Variants in IQCF1 observed in about 807,000 individuals in gnomAD.
The protein encoded by IQCF1 is IQ motif containing F1, also known as IQ domain-containing protein F1.
IQCF1 carries 9 observed loss-of-function variants against 12.5 expected under a neutral mutation model. The observed-to-expected ratio is 0.72, with a 90% CI of 0.43 to 1.26. The LOEUF (loss-of-function observed/expected upper bound fraction) is 1.26, where lower values mean the gene tolerates loss of function less well. Among genes scored for constraint, IQCF1 ranks in the 50% most tolerant of loss-of-function variants. IQCF1 has a pLI of 0.00. For missense variants in IQCF1, 252 were observed against 257.4 expected, an observed-to-expected ratio of 0.98 and a Z score of 0.14; for synonymous variants, 67 against 96.2, an observed-to-expected ratio of 0.70 and a Z score of 1.78.
intron 2 of IQCF1, among the ~76,000 whole-genome samples, chr3:51,898,831 G>A (rs373915430): frequency 6.6e-6 from 1 of 152,338 alleles, no homozygotes; most frequent in East Asian, 1.9e-4. Flanking sequence ...CCTCCCGGGT[G>A]ATTGAGGGAA....
rs189660219 is a variant in IQCF1 at position 51,903,108 on chromosome 3, G to A, written c.4-19C>T. On this transcript the variant is annotated intron_variant, in intron 1 of 3. Transcript: ENST00000310914. ...TCTCCTCCTGCAATCAGCATTAGGG[G>A]AAAGGCAAGAGTGAGGCTGCGGTCC... 1.1e-4 allele frequency: 175 copies of A among 1,612,298 alleles called. 1 individual carries two copies. The Middle Eastern group carries it at 2.0e-3, about 18-fold the overall frequency.
intron 2 of IQCF1, among the ~76,000 whole-genome samples, chr3:51,899,704 C>T (rs1246256264): frequency 6.6e-6 from 1 of 152,156 alleles, no homozygotes; most frequent in African/African-American, 2.4e-5. Flanking sequence ...CATTAACCTG[C>T]TCTTTAACAA....
Position 51,895,394 on chromosome 3 carries a change from G to C in IQCF1, c.172-58C>G. 6.8e-7 allele frequency: 1 copy of C among 1,471,042 alleles called. No individual in the cohort carries two copies. The highest frequency in any genetic ancestry group is 1.3e-5 in the South Asian group (1 of 76,064). 91.1% of individuals were successfully genotyped at this position (1,471,042 alleles called of 1,614,324 possible). On this transcript the variant is annotated intron_variant, in intron 3 of 3. Coordinates refer to ENST00000310914, the MANE Select transcript of IQCF1 (RefSeq NM_152397.3). This position sits in a 1 kb window ranked among gnomAD's most constrained non-coding sequence, Gnocchi z 4.8. ...TGCTCCCCACTGGCTTCAGCTCTGGGGTGTGCCAGGAAAGGCCCTGATTCC... is the reference window on the plus strand; with the variant it reads ...TGCTCCCCACTGGCTTCAGCTCTGGCGTGTGCCAGGAAAGGCCCTGATTCC...
At chr3:51,896,170 C>T (rs373699339) in intron 3 of IQCF1, among the ~76,000 whole-genome samples, 2 of 152,156 alleles carry the variant, frequency 1.3e-5, no homozygotes, top group East Asian at 3.9e-4. Flanking sequence ...GGAGACACTA[C>T]AAGACTTCAA....
intron 2 of IQCF1, among the ~76,000 whole-genome samples, chr3:51,897,899 G>C (rs1699029710): frequency 6.6e-6 from 1 of 152,176 alleles, no homozygotes; most frequent in Non-Finnish European, 1.5e-5. Flanking sequence ...CCAACACTAA[G>C]GCAAGACACC....
rs11927897 is a variant in IQCF1, at chr3:51,895,167, C to T, written c.341G>A (p.Arg114Gln). The T allele has an allele frequency of 0.04, 64,328 of 1,614,218 alleles. 1,482 individuals carry two copies. Among genetic ancestry groups the T allele is most frequent in the Middle Eastern group, 0.079 (479 of 6,062 alleles). ...LILSKILKKR[R>Q]QAALEAFSRK... ...GGAGAAGGCCTCTAGCGCTGCCTGC[C>T]GCCTCTTCTTCAGAATCTTGGACAG... The change falls in exon 4 of 4, where the codon CGG becomes CAG. Residue 114 changes from arginine (R) to glutamine (Q), a missense_variant. Arg to Gln is a conservative substitution (Grantham distance 43, BLOSUM62 1). Transcript: ENST00000310914. This position sits in a 1 kb window ranked among gnomAD's most constrained non-coding sequence, Gnocchi z 4.8.
intron 2 of IQCF1, among the ~76,000 whole-genome samples, chr3:51,898,143 G>A (rs759149805): frequency 3.9e-5 from 6 of 152,112 alleles, no homozygotes; most frequent in African/African-American, 1.4e-4. Context: ...TAGTATAAGC[G>A]GCTGGCAGAG....
chr3:51,903,029 CCTT>C lies in IQCF1; in HGVS notation c.61_63del (p.Lys21del), dbSNP rs1699098324. On this transcript the variant is annotated inframe_deletion, in exon 2 of 4. Transcript: ENST00000310914. Reference sequence around the variant, plus strand: ...CCTAAGGACAAATGGGTTGGCATCTCCTTCTGCTGAGGCTCATCTTCTTTTGAG... The same window carrying C: ...CCTAAGGACAAATGGGTTGGCATCTCCTGCTGAGGCTCATCTTCTTTTGAG... 2.5e-6 allele frequency: 4 copies of C among 1,614,186 alleles called. No individual in the cohort carries two copies. Among genetic ancestry groups the C allele is most frequent in the Middle Eastern group, 1.6e-4 (1 of 6,062 alleles).
chr3:51,902,968 G>A lies in IQCF1; in HGVS notation c.108+17C>T. The A allele has an allele frequency of 6.3e-7, 1 of 1,586,402 alleles. No individual in the cohort carries two copies. The highest frequency in any genetic ancestry group is 1.3e-5 in the African/African-American group (1 of 74,452). ...AGGACATGGGATCAATGACATCCAA[G>A]TCAGGGCTCCTCCTACCTCTGCCTT... On this transcript the variant is annotated intron_variant, in intron 2 of 3. Transcript: ENST00000310914.
In IQCF1 at chr3:51,896,845, T is replaced by C; in HGVS notation, c.158A>G (p.Glu53Gly). ...GGGAGGTCATACTTTTTCTGATTTC[T>C]CATTGGCATTGTCCACTGTCTGTGT... ...VETQTVDNAN[E>G]KSEKPPENQK... is the part of the protein sequence containing the mutation. The change falls in exon 3 of 4, where the codon GAG becomes GGG. Residue 53 changes from glutamate to glycine, a missense_variant. Transcript: ENST00000310914. 1 of 1,613,178 alleles carries C rather than the reference T, an allele frequency of 6.2e-7. No homozygotes were observed. The highest frequency in any genetic ancestry group is 8.5e-7 in the Non-Finnish European group (1 of 1,179,182).
intron 2 of IQCF1, among the ~76,000 whole-genome samples, chr3:51,897,590 C>T (rs1415203055): frequency 3.3e-5 from 5 of 152,274 alleles, no homozygotes; most frequent in South Asian, 2.1e-4. Context: ...CTCTCAGCAA[C>T]GCGGAAAGAA....
At chr3:51,902,917 T>G (rs1220753036) in intron 2 of IQCF1, 68 bp downstream of exon 2, 10 of 1,159,378 alleles carry the variant, frequency 8.6e-6, no homozygotes, top group Non-Finnish European at 1.3e-5. Context: ...AACAGCACCA[T>G]GCAAAAGACA....
chr3:51,903,310 C>T lies in IQCF1; in HGVS notation c.-38G>A. Reference sequence around the variant, plus strand: ...GATTGATTGTAGATGGTTCAAATCCCCTCACATCTGTGTTCATCCAGCCAT... The same window carrying T: ...GATTGATTGTAGATGGTTCAAATCCTCTCACATCTGTGTTCATCCAGCCAT... On this transcript the variant is annotated 5_prime_UTR_variant, in exon 1 of 4. Coordinates refer to ENST00000310914, the MANE Select transcript of IQCF1 (RefSeq NM_152397.3). The T allele has an allele frequency of 6.2e-7, 1 of 1,613,020 alleles. No individual in the cohort carries two copies. Among genetic ancestry groups the T allele is most frequent in the Admixed American group, 1.7e-5 (1 of 60,018 alleles).
chr3:51,901,871 G>A (rs1421303621), intron 2 of IQCF1, among the ~76,000 whole-genome samples: 2 of 152,224 alleles, frequency 1.3e-5, no homozygotes, highest in African/African-American at 4.8e-5. Flanking sequence ...AGCAATTAGG[G>A]GCTACTAGCC....
chr3:51,903,028 T>C lies in IQCF1; in HGVS notation c.65A>G (p.Glu22Gly). Residue 22 changes from glutamate (E) to glycine (G), a missense_variant, in exon 2 of 4, where the codon GAG becomes GGG. Coordinates refer to ENST00000310914, the MANE Select transcript of IQCF1 (RefSeq NM_152397.3). ...TCCTAAGGACAAATGGGTTGGCATCTCCTTCTGCTGAGGCTCATCTTCTTT... is the reference window on the plus strand; with the variant it reads ...TCCTAAGGACAAATGGGTTGGCATCCCCTTCTGCTGAGGCTCATCTTCTTT... Reference protein sequence around the residue: ...PSKEDEPQQKEMPTHLSLGAE... With the variant: ...PSKEDEPQQKGMPTHLSLGAE... The C allele has an allele frequency of 1.9e-6, 3 of 1,614,174 alleles. No individual in the cohort carries two copies. The highest frequency in any genetic ancestry group is 2.5e-6 in the Non-Finnish European group (3 of 1,180,026).
intron 2 of IQCF1, among the ~76,000 whole-genome samples, chr3:51,897,588 A>C (rs1294981304): frequency 6.6e-6 from 1 of 152,222 alleles, no homozygotes; most frequent in Admixed American, 6.5e-5. Context: ...AGCTCTCAGC[A>C]ACGCGGAAAG....
rs1474382626 is a variant in IQCF1 at position 51,895,633 on chromosome 3, A to G, written c.172-297T>C. On this transcript the variant is annotated intron_variant, in intron 3 of 3. Transcript: ENST00000310914. The surrounding 1 kb of genome is among the most constrained non-coding windows in gnomAD (Gnocchi z 4.8). ...TTTCCATGGACCTTGTTGACCAGCA[A>G]GAACACTGTGATATAGGGTCAAAGG... is the stretch of plus-strand genomic sequence containing the variant. 6.6e-6 allele frequency among the ~76,000 whole-genome samples: 1 copy of G among 152,208 alleles called. No individual in the cohort carries two copies. The highest frequency in any genetic ancestry group is 2.4e-5 in the African/African-American group (1 of 41,464).
At chr3:51,901,424 C>T (rs559637366) in intron 2 of IQCF1, among the ~76,000 whole-genome samples, 5 of 152,330 alleles carry the variant, frequency 3.3e-5, no homozygotes, top group Middle Eastern at 3.4e-3. Context: ...GAGACCTGAA[C>T]GGATGCAGTG....
intron 2 of IQCF1, among the ~76,000 whole-genome samples, chr3:51,898,142 C>T (rs114011729): frequency 0.02 from 2,996 of 151,984 alleles, 57 homozygotes; most frequent in Middle Eastern, 0.051. Flanking sequence ...ATAGTATAAG[C>T]GGCTGGCAGA....
Sources: gnomAD v4.1 joint callset for allele counts (sites outside exome capture counted in the v4.1 genomes callset) on GRCh38, gnomAD v4.1.1 for gene constraint, Gnocchi (gnomAD v3.1) non-coding constraint, MANE v1.5 for transcripts, NCBI Gene and HGNC (gene_info 2026-07-23, HGNC 2026-07-21) for gene names.